Variants in NRXN3 observed in about 807,000 individuals in gnomAD.
NRXN3 encodes neurexin III.
NRXN3 carries 32 observed loss-of-function variants against 137.6 expected under a neutral mutation model. The ratio of observed to expected loss-of-function variants is 0.23; its 90% CI spans 0.18 to 0.31. The LOEUF is 0.31. NRXN3 is among the 10% of genes least tolerant of loss of function. The pLI is 1.00. For missense variants in NRXN3, 1,574 were observed against 2,062.5 expected (o/e 0.76, Z 4.59); for synonymous variants, 798 against 784.5 (o/e 1.02, Z -0.29).
chr14:79,397,686 G>T (rs1237310396), intron 15 of NRXN3, among the ~76,000 whole-genome samples: 1 of 152,110 alleles, frequency 6.6e-6, no homozygotes, highest in East Asian at 1.9e-4. Context: ...CCATAAATTT[G>T]GCCTAAGTAT....
At chr14:78,864,056 C>T (rs1462022585) in intron 10 of NRXN3, among the ~76,000 whole-genome samples, 2 of 152,158 alleles carry the variant, frequency 1.3e-5, no homozygotes, top group Non-Finnish European at 2.9e-5. Context: ...TACTGTACAT[C>T]TCCAGCTTAT....
chr14:79,211,005 T>G (rs1360150993), intron 15 of NRXN3, among the ~76,000 whole-genome samples: 1 of 152,186 alleles, frequency 6.6e-6, no homozygotes, highest in East Asian at 1.9e-4. Flanking sequence ...ATTCCTACAG[T>G]AAAATAAATA....
chr14:79,059,783 A>AG (rs2099671895), intron 15 of NRXN3, among the ~76,000 whole-genome samples: 1 of 152,204 alleles, frequency 6.6e-6, no homozygotes, highest in Non-Finnish European at 1.5e-5. Context: ...TATGAGGAAG[A>AG]GGGGAAATCA....
At chr14:79,183,250 A>G (rs1311905801) in intron 15 of NRXN3, among the ~76,000 whole-genome samples, 2 of 152,192 alleles carry the variant, frequency 1.3e-5, no homozygotes, top group Non-Finnish European at 2.9e-5. Context: ...TTGAAGCAGT[A>G]GCTCTACTTC....
chr14:79,301,129 T>C (rs2085068258), intron 15 of NRXN3, among the ~76,000 whole-genome samples: 1 of 152,052 alleles, frequency 6.6e-6, no homozygotes, highest in South Asian at 2.1e-4. Flanking sequence ...TAATATGCTA[T>C]ATAGTTTTGT....
At chr14:78,376,525 C>T (rs183554221) in intron 4 of NRXN3, among the ~76,000 whole-genome samples, 9 of 152,274 alleles carry the variant, frequency 5.9e-5, no homozygotes, top group Non-Finnish European at 1.3e-4. Context: ...TAAGAAGACT[C>T]TGAAACATGA....
chr14:79,573,620 C>A (rs2097635008), intron 16 of NRXN3, among the ~76,000 whole-genome samples: 1 of 152,090 alleles, frequency 6.6e-6, no homozygotes, highest in African/African-American at 2.4e-5. Flanking sequence ...AAGGTCAACC[C>A]TTTGCCTTGT....
chr14:78,866,358 G>GA (rs1446974499), intron 10 of NRXN3, among the ~76,000 whole-genome samples: 1 of 152,146 alleles, frequency 6.6e-6, no homozygotes, highest in Non-Finnish European at 1.5e-5. Context: ...AGGCATTAAT[G>GA]AAAAATCAGC....
At chr14:79,555,571 G>A (rs985061184) in intron 16 of NRXN3, among the ~76,000 whole-genome samples, 1 of 152,076 alleles carries the variant, frequency 6.6e-6, no homozygotes, top group African/African-American at 2.4e-5. Context: ...AGGAAGCATA[G>A]AGAGCAGAAC....
At chr14:78,724,538 C>CAATAGAATAG (rs71131658) in intron 8 of NRXN3, among the ~76,000 whole-genome samples, 18 of 151,806 alleles carry the variant, frequency 1.2e-4, no homozygotes, top group African/African-American at 4.1e-4. Flanking sequence ...AATGAGTGGT[C>CAATAGAATAG]AATAGAATAG....
intron 19 of NRXN3, among the ~76,000 whole-genome samples, chr14:79,725,076 G>A (rs568338452): frequency 4.7e-4 from 71 of 152,262 alleles, no homozygotes; most frequent in African/African-American, 1.6e-3. Context: ...CAAGAATCGC[G>A]TGCCAAGTGC....
chr14:78,635,373 C>G (rs1484148322), intron 4 of NRXN3, among the ~76,000 whole-genome samples: 2 of 152,060 alleles, frequency 1.3e-5, no homozygotes, highest in African/African-American at 4.8e-5. Context: ...ACCTTCATGA[C>G]TTCTATATTA....
At chr14:78,965,887 A>C in intron 11 of NRXN3, 138 bp from the exon 12 acceptor site, 4 of 915,274 alleles carry the variant, frequency 4.4e-6, no homozygotes, top group African/African-American at 1.7e-5. Flanking sequence ...ACCATATTGA[A>C]TATTTGGTTT....
chr14:79,624,802 TG>T (rs200161726), intron 16 of NRXN3, among the ~76,000 whole-genome samples: 17,696 of 115,684 alleles, frequency 0.15, 1,722 homozygotes, highest in African/African-American at 0.31. Flanking sequence ...TTTTTTTTTT[TG>T]TTTGTTTTTG....
chr14:78,721,883 A>G (rs2098461723), intron 8 of NRXN3, among the ~76,000 whole-genome samples: 1 of 151,362 alleles, frequency 6.6e-6, no homozygotes, highest in South Asian at 2.1e-4. Context: ...GTTGTTGCTT[A>G]AGTCATACAA....
chr14:79,685,400 A>C (rs1480750614), intron 17 of NRXN3, among the ~76,000 whole-genome samples: 1 of 152,218 alleles, frequency 6.6e-6, no homozygotes, highest in Non-Finnish European at 1.5e-5. Context: ...CTGTAGCTTC[A>C]GTGCATATTT....
intron 6 of NRXN3, among the ~76,000 whole-genome samples, chr14:78,680,463 C>G (rs2098063215): frequency 1.3e-5 from 2 of 152,140 alleles, no homozygotes; most frequent in African/African-American, 4.8e-5. Context: ...ACGACAGGTT[C>G]TTGAGCAGAA....
intron 8 of NRXN3, among the ~76,000 whole-genome samples, chr14:78,761,626 G>T (rs964612364): frequency 6.6e-6 from 1 of 152,078 alleles, no homozygotes; most frequent in African/African-American, 2.4e-5. Context: ...ACTCTTATCA[G>T]GGTGCTAAAA....
At chr14:79,699,866 T>A (rs2098748509) in intron 19 of NRXN3, among the ~76,000 whole-genome samples, 1 of 152,032 alleles carries the variant, frequency 6.6e-6, no homozygotes, top group African/African-American at 2.4e-5. Context: ...CTGTTGAGAC[T>A]CTTTGGTTTT....
Sources: allele counts gnomAD v4.1 joint callset (sites outside exome capture counted in the v4.1 genomes callset), GRCh38; gene constraint gnomAD v4.1.1; transcripts MANE v1.5; gene names NCBI Gene and HGNC (gene_info 2026-07-23, HGNC 2026-07-21).